RBM33: variants seen among roughly 807,000 people sequenced by gnomAD.
RBM33 encodes RNA-binding protein 33.
In RBM33, 28 loss-of-function variants were observed where a neutral mutation model predicts 132.6. That is an observed-to-expected ratio of 0.21 (90% confidence interval 0.16 to 0.29). The LOEUF is 0.29. Among genes scored for constraint, RBM33 ranks in the 10% least tolerant of loss-of-function variants. The pLI, the probability that RBM33 is intolerant of heterozygous loss-of-function variation, is 1.00. For synonymous variants in RBM33, 634 were observed against 593.0 expected (o/e 1.07, Z -1.01); for missense variants, 1,291 against 1,518.5 (o/e 0.85, Z 2.49).
chr7:155,773,422 C>G (rs1319625936), intron 16 of RBM33, among the ~76,000 whole-genome samples: 1 of 151,900 alleles, frequency 6.6e-6, no homozygotes, highest in Non-Finnish European at 1.5e-5. Context: ...AAAAAATTAG[C>G]TAGGGCGTGG....
intron 15 of RBM33, 43 bp from the exon 16 acceptor site, chr7:155,766,424 C>T (rs1802219183): frequency 6.3e-7 from 1 of 1,599,186 alleles, no homozygotes; most frequent in Non-Finnish European, 8.5e-7. Flanking sequence ...ATCGAAGAAG[C>T]TCAGGCTTGA....
chr7:155,770,369 G>A (rs1802379302), intron 16 of RBM33, among the ~76,000 whole-genome samples: 1 of 152,114 alleles, frequency 6.6e-6, no homozygotes, highest in Non-Finnish European at 1.5e-5. Context: ...GTGTGTAGAG[G>A]GGAGCCCCAT....
intron 5 of RBM33, among the ~76,000 whole-genome samples, chr7:155,686,465 G>A (rs912140255): frequency 2.0e-5 from 3 of 151,670 alleles, no homozygotes; most frequent in Non-Finnish European, 4.4e-5. Context: ...CTTTTTGTTC[G>A]TGGTATTTTT....
At chr7:155,734,133 A>G (rs1801038973) in intron 9 of RBM33, among the ~76,000 whole-genome samples, 1 of 152,186 alleles carries the variant, frequency 6.6e-6, no homozygotes, top group South Asian at 2.1e-4. Context: ...AATTTCAAGA[A>G]CATCGACAGA....
In RBM33 at chr7:155,752,499, C is replaced by G. The variant is rs1801715048; in HGVS notation, c.2979+6897C>G. On this transcript the variant is annotated intron_variant, in intron 14 of 17. Transcript: ENST00000401878. Reference sequence around the variant, plus strand: ...CTATTTAGATATTTAAAGTGAGTCCCTCATCCTCTATAAACCCAAACAAAA... The same window carrying G: ...CTATTTAGATATTTAAAGTGAGTCCGTCATCCTCTATAAACCCAAACAAAA... Among the ~76,000 whole-genome samples, 2 of 152,124 alleles carry G rather than the reference C, an allele frequency of 1.3e-5. 1 individual carries two copies. The highest frequency in any genetic ancestry group is 1.3e-4 in the Admixed American group (2 of 15,280).
Position 155,653,910 on chromosome 7 carries a change from G to A in RBM33, c.43+8991G>A, listed in dbSNP as rs900626594. ...CATTGCAGTTGGCATCTGAAGTGGG[G>A]CAGCCTTGTGAAACTGAGCCCTTAA... On this transcript the variant is annotated intron_variant, in intron 1 of 17. Transcript: ENST00000401878. Among the ~76,000 whole-genome samples the A allele has an allele frequency of 3.9e-5, 6 of 152,302 alleles. No homozygotes were observed. In the South Asian group the frequency reaches 1.2e-3, roughly 32 times the overall value.
chr7:155,695,860 G>A (rs1285587098), intron 5 of RBM33, among the ~76,000 whole-genome samples: 1 of 152,118 alleles, frequency 6.6e-6, no homozygotes, highest in Non-Finnish European at 1.5e-5. Flanking sequence ...CTCCAAAGTT[G>A]TTATCTTGTT....
intron 5 of RBM33, among the ~76,000 whole-genome samples, chr7:155,689,046 G>A (rs1339261948): frequency 6.6e-6 from 1 of 152,184 alleles, no homozygotes; most frequent in Non-Finnish European, 1.5e-5. Flanking sequence ...CGGAAGTAAT[G>A]GTACCAGCTC....
At position 155,775,248 on chromosome 7, in the gene RBM33, T is replaced by C; in HGVS notation, c.*207T>C. The C allele has an allele frequency of 1.5e-6, 1 of 670,702 alleles. No homozygotes were observed. The highest frequency in any genetic ancestry group is 1.6e-5 in the South Asian group (1 of 64,428). 41.5% of individuals were successfully genotyped at this position (670,702 alleles called of 1,614,324 possible). ...ACAGCAGGCTGGAGTTGGTGTTAGA[T>C]TGCTTCACATTCTCTTGTCACCACC... is the stretch of plus-strand genomic sequence containing the variant. On this transcript the variant is annotated 3_prime_UTR_variant, in exon 18 of 18. Transcript: ENST00000401878.
rs369707880 is a variant in RBM33, at chr7:155,711,232, G to T, written c.978G>T (p.Pro326=). The T allele has an allele frequency of 1.3e-6, 2 of 1,582,612 alleles. No homozygotes were observed. The highest frequency in any genetic ancestry group is 1.7e-6 in the Non-Finnish European group (2 of 1,164,670). The change falls in exon 8 of 18, where the codon CCG becomes CCT. Residue 326 remains proline (P), a synonymous_variant. Transcript: ENST00000401878. The part of the protein sequence containing the change: ...VPQAPPPPPP[P]PQQQPIRSLF... ...AGGCTCCCCCTCCACCGCCACCGCC[G>T]CCTCAGCAGCAGCCGATCAGAAGCC...
chr7:155,713,514 C>CA (rs2116981371), intron 8 of RBM33, among the ~76,000 whole-genome samples: 1 of 151,944 alleles, frequency 6.6e-6, no homozygotes, highest in African/African-American at 2.4e-5. Context: ...GCAAAGGAGC[C>CA]GAGAGGGAGG....
intron 16 of RBM33, among the ~76,000 whole-genome samples, chr7:155,768,372 C>T (rs945447210): frequency 6.6e-6 from 1 of 152,168 alleles, no homozygotes; most frequent in African/African-American, 2.4e-5. Flanking sequence ...TTTGTATAGA[C>T]CTCTTAAATG....
chr7:155,726,768 A>AT (rs1459382289), intron 9 of RBM33, among the ~76,000 whole-genome samples: 3 of 152,352 alleles, frequency 2.0e-5, no homozygotes, highest in Admixed American at 1.3e-4. Context: ...TGGAACCATG[A>AT]TTTATATGGC....
rs1801466032 is a variant in RBM33 at position 155,745,021 on chromosome 7, C to T, written c.2398C>T (p.Leu800=). The change falls in exon 14 of 18, where the codon CTA becomes TTA. Residue 800 remains leucine (L), a synonymous_variant. Transcript: ENST00000401878. This position sits in a 1 kb window ranked among gnomAD's most constrained non-coding sequence, Gnocchi z 4.1. Reference sequence around the variant, plus strand: ...CTTAAAGATAGAAGAACAGAAACGCCTAAGAGAAGAAATCCTGAAACAGAA... The same window carrying T: ...CTTAAAGATAGAAGAACAGAAACGCTTAAGAGAAGAAATCCTGAAACAGAA... ...YRLKIEEQKR[L]REEILKQKEL... is the part of the protein sequence containing the mutation. The T allele has an allele frequency of 5.0e-6, 8 of 1,609,920 alleles. No homozygotes were observed. Among genetic ancestry groups the T allele is most frequent in the Non-Finnish European group, 6.8e-6 (8 of 1,178,700 alleles).
rs1799942582 is a variant in RBM33, at chr7:155,700,934, A to G, written c.729A>G (p.Pro243=). The G allele has an allele frequency of 6.2e-7, 1 of 1,612,046 alleles. No individual in the cohort carries two copies. The highest frequency in any genetic ancestry group is 8.5e-7 in the Non-Finnish European group (1 of 1,179,024). ...SDVTRERRNI[P]ETLELSAEAK... ...TAACTAGAGAGAGAAGGAACATTCC[A>G]GAAACTTTGGGTAACTTTTTTGCCT... Residue 243 remains proline, a synonymous_variant, in exon 6 of 18, where the codon CCA becomes CCG. Transcript: ENST00000401878.
At chr7:155,747,464 A>G (rs1235674245) in intron 14 of RBM33, among the ~76,000 whole-genome samples, 1 of 152,218 alleles carries the variant, frequency 6.6e-6, no homozygotes, top group Non-Finnish European at 1.5e-5. Flanking sequence ...TGTACTCTGC[A>G]CTGGCAGGCT....
chr7:155,660,265 G>A (rs1013340332), intron 1 of RBM33, among the ~76,000 whole-genome samples: 11 of 152,078 alleles, frequency 7.2e-5, no homozygotes, highest in Non-Finnish European at 1.3e-4. Flanking sequence ...TGTAGAGGTA[G>A]GATCTGGATA....
At chr7:155,672,782 A>T in intron 2 of RBM33, 85 bp from the exon 3 acceptor site, 58 of 688,956 alleles carry the variant, frequency 8.4e-5, no homozygotes, top group Middle Eastern at 3.3e-4. Context: ...TGAGCTGTAG[A>T]GTTCTTGGTA....
intron 6 of RBM33, among the ~76,000 whole-genome samples, chr7:155,702,505 A>T (rs1799995154): frequency 1.3e-5 from 2 of 152,238 alleles, no homozygotes; most frequent in African/African-American, 4.8e-5. Flanking sequence ...AGAGTCTGGC[A>T]TTGGCCTTAG....
Sources: allele counts gnomAD v4.1 joint callset (sites outside exome capture counted in the v4.1 genomes callset), GRCh38; gene constraint gnomAD v4.1.1; non-coding constraint Gnocchi (gnomAD v3.1); transcripts MANE v1.5; gene names NCBI Gene and HGNC (gene_info 2026-07-23, HGNC 2026-07-21).